Variants in TTC7B observed in about 807,000 individuals in gnomAD.
TTC7B encodes the protein tetratricopeptide repeat protein 7B.
Under a neutral mutation model 106.8 loss-of-function variants are expected in TTC7B, and 28 were observed. That is an observed-to-expected ratio of 0.26 (90% CI 0.19 to 0.36). The LOEUF is 0.36. TTC7B is among the 10% of genes least tolerant of loss of function. The pLI, the probability that TTC7B is intolerant of heterozygous loss-of-function variation, is 1.00. For synonymous variants in TTC7B, 405 were observed against 430.6 expected (o/e 0.94, Z 0.74); for missense variants, 862 against 1,076.4 (o/e 0.80, Z 2.79).
At position 90,536,194 on chromosome 14, in the gene TTC7B, CCCT is replaced by C. The variant is rs1384820271; in HGVS notation, c.*5171_*5173del. 1 of 155,244 alleles carries C rather than the reference CCCT, an allele frequency of 6.4e-6. No homozygotes were observed. Among genetic ancestry groups the C allele is most frequent in the East Asian group, 1.9e-4 (1 of 5,210 alleles). 9.6% of individuals were successfully genotyped at this position (155,244 alleles called of 1,614,324 possible). ...CCACCCACCTCCTCCAGGAAGCTCA[CCCT>C]GCCTGCTCTCCGCCTCCCTTGCAGC... is the stretch of plus-strand genomic sequence containing the variant. On this transcript the variant is annotated 3_prime_UTR_variant, in exon 20 of 20. Transcript: ENST00000328459.
Position 90,537,676 on chromosome 14 carries a change from G to C in TTC7B, c.*3692C>G, listed in dbSNP as rs1889452766. On this transcript the variant is annotated 3_prime_UTR_variant, in exon 20 of 20. Coordinates refer to ENST00000328459, the MANE Select transcript of TTC7B (RefSeq NM_001010854.2). ...GCTTCCTGAGATGTCCTCCTCCCAG[G>C]TTACCTGTCTTTCTTCAGCCAGATG... The C allele has an allele frequency of 6.6e-6, 1 of 152,216 alleles. No individual in the cohort carries two copies. Among genetic ancestry groups the C allele is most frequent in the Non-Finnish European group, 1.5e-5 (1 of 68,164 alleles). The allele number at this position is 152,216 out of a possible 1,614,324, so 9.4% of individuals were successfully genotyped here. A position where few individuals can be genotyped will look rare whatever the true frequency, so the allele number is the denominator to read the frequency against.
chr14:90,768,645 G>A (rs535222381), intron 3 of TTC7B, among the ~76,000 whole-genome samples: 1 of 152,250 alleles, frequency 6.6e-6, no homozygotes, highest in Non-Finnish European at 1.5e-5. Flanking sequence ...AAATTCCCAA[G>A]TAAACACAAA....
At chr14:90,720,071 T>C (rs367836968) in intron 5 of TTC7B, among the ~76,000 whole-genome samples, 5 of 151,980 alleles carry the variant, frequency 3.3e-5, no homozygotes, top group African/African-American at 7.3e-5. Context: ...GTTAGTGTAT[T>C]TTACGTGTGG....
intron 9 of TTC7B, among the ~76,000 whole-genome samples, chr14:90,662,800 T>C (rs1886261737): frequency 6.6e-6 from 1 of 152,252 alleles, no homozygotes; most frequent in Admixed American, 6.5e-5. Context: ...TATTCCTTTT[T>C]AAAAATTTTA....
intron 1 of TTC7B, among the ~76,000 whole-genome samples, chr14:90,815,798 T>C (rs1293618472): frequency 6.6e-6 from 1 of 151,954 alleles, no homozygotes; most frequent in Non-Finnish European, 1.5e-5. Context: ...TTCACCCATG[T>C]CCTGAGGGAC....
chr14:90,746,938 G>C (rs1024452698), intron 3 of TTC7B, among the ~76,000 whole-genome samples: 1 of 152,186 alleles, frequency 6.6e-6, no homozygotes, highest in Non-Finnish European at 1.5e-5. Context: ...TTCAAACCCT[G>C]TACATTCCAA....
chr14:90,814,749 G>A (rs954432774), intron 1 of TTC7B, among the ~76,000 whole-genome samples: 1 of 152,122 alleles, frequency 6.6e-6, no homozygotes, highest in African/African-American at 2.4e-5. Context: ...AGCCCGACAC[G>A]GAGGGCAAAG....
intron 3 of TTC7B, among the ~76,000 whole-genome samples, chr14:90,764,641 T>C (rs1890613105): frequency 6.6e-6 from 1 of 152,088 alleles, no homozygotes; most frequent in Non-Finnish European, 1.5e-5. Flanking sequence ...CAATTAAAAA[T>C]GGGCAAAGAA....
In TTC7B at chr14:90,631,358, T is replaced by G. The variant is rs1389309123; in HGVS notation, c.1751+12690A>C. Among the ~76,000 whole-genome samples the G allele has an allele frequency of 2.0e-5, 3 of 152,146 alleles. No homozygotes were observed. In the East Asian group the frequency reaches 5.8e-4, roughly 29 times the overall value. On this transcript the variant is annotated intron_variant, in intron 15 of 19. Coordinates refer to ENST00000328459, the MANE Select transcript of TTC7B (RefSeq NM_001010854.2). ...CTGCTGGATCACATGATAATTCTAT[T>G]TTTAATGTTTTGAGGAACCACCATA...
chr14:90,567,706 C>T lies in TTC7B; in HGVS notation c.2310+10400G>A, dbSNP rs1428108864. The stretch of plus-strand genomic sequence containing the variant: ...TTCCTGGTGGGTTGGCCACTCACTG[C>T]TCTGGACCCTTGGTGAGTCCCTTCC... On this transcript the variant is annotated intron_variant, in intron 19 of 19. Transcript: ENST00000328459. 2.0e-5 allele frequency: 3 copies of T among 152,350 alleles called. 1 individual carries two copies. The highest frequency in any genetic ancestry group is 4.4e-5 in the Non-Finnish European group (3 of 68,138). The allele number at this position is 152,350 out of a possible 1,614,324, so 9.4% of individuals were successfully genotyped here.
At chr14:90,659,341 A>C (rs1886092433) in intron 9 of TTC7B, among the ~76,000 whole-genome samples, 1 of 151,920 alleles carries the variant, frequency 6.6e-6, no homozygotes, top group Non-Finnish European at 1.5e-5. Flanking sequence ...GCTGTCATGA[A>C]TGAGTTTAGC....
intron 18 of TTC7B, among the ~76,000 whole-genome samples, chr14:90,586,809 G>C (rs898485079): frequency 1.1e-4 from 16 of 152,152 alleles, no homozygotes; most frequent in Non-Finnish European, 1.5e-4. Flanking sequence ...AAGCTCAAGT[G>C]GGACTCTGAA....
chr14:90,598,141 T>A (rs1359808993), intron 17 of TTC7B, among the ~76,000 whole-genome samples: 1 of 151,990 alleles, frequency 6.6e-6, no homozygotes, highest in African/African-American at 2.4e-5. Flanking sequence ...ACAATGCGCC[T>A]CTCCCCGCAG....
At chr14:90,591,936 G>T (rs188148364) in intron 18 of TTC7B, among the ~76,000 whole-genome samples, 1 of 152,206 alleles carries the variant, frequency 6.6e-6, no homozygotes, top group East Asian at 1.9e-4. Context: ...TGCTGCAGGC[G>T]TCTGCAGCAG....
chr14:90,752,983 G>A (rs1006901324), intron 3 of TTC7B, among the ~76,000 whole-genome samples: 1 of 152,202 alleles, frequency 6.6e-6, no homozygotes, highest in Non-Finnish European at 1.5e-5. Flanking sequence ...CCAGATCGCT[G>A]GGCCTCCTAT....
At position 90,802,654 on chromosome 14, in the gene TTC7B, G is replaced by A. The variant is rs1156230764; in HGVS notation, c.121+13521C>T. Among the ~76,000 whole-genome samples the A allele has an allele frequency of 1.3e-5, 2 of 152,180 alleles. No homozygotes were observed. Among genetic ancestry groups the A allele is most frequent in the East Asian group, 1.9e-4 (1 of 5,194 alleles). ...CAGACACTTTGGAGCATGGGAATCC[G>A]ACCTACTGAAGAGCGGCGGTGCTCC... On this transcript the variant is annotated intron_variant, in intron 1 of 19. Transcript: ENST00000328459. This position sits in a 1 kb window ranked among gnomAD's most constrained non-coding sequence, Gnocchi z 4.7.
intron 5 of TTC7B, among the ~76,000 whole-genome samples, chr14:90,711,669 G>A (rs547892133): frequency 1.4e-4 from 22 of 152,172 alleles, no homozygotes; most frequent in Non-Finnish European, 2.1e-4. Flanking sequence ...TGATCCACCC[G>A]CCTTTGCCCC....
At chr14:90,729,230 C>T (rs747942390) in intron 5 of TTC7B, among the ~76,000 whole-genome samples, 2 of 152,206 alleles carry the variant, frequency 1.3e-5, no homozygotes, top group Non-Finnish European at 2.9e-5. Flanking sequence ...CAGATGAAAT[C>T]CCAATTTCAA....
intron 5 of TTC7B, among the ~76,000 whole-genome samples, chr14:90,704,215 C>T (rs79323851): frequency 0.04 from 6,039 of 152,314 alleles, 171 homozygotes; most frequent in Non-Finnish European, 0.06. Flanking sequence ...TCCCACCATC[C>T]GGCCCTTCAT....
Sources: allele counts gnomAD v4.1 joint callset (sites outside exome capture counted in the v4.1 genomes callset), GRCh38; gene constraint gnomAD v4.1.1; non-coding constraint Gnocchi (gnomAD v3.1); transcripts MANE v1.5; gene names NCBI Gene and HGNC (gene_info 2026-07-23, HGNC 2026-07-21).